SH3BP5: variants seen among roughly 807,000 people sequenced by gnomAD.
The protein encoded by SH3BP5 is SH3 domain-binding protein 5.
A neutral mutation model predicts 43.3 loss-of-function variants in SH3BP5; 22 were observed. The ratio of observed to expected loss-of-function variants is 0.51; its 90% CI spans 0.36 to 0.73. The LOEUF (loss-of-function observed/expected upper bound fraction) is 0.73. SH3BP5 is among the 30% of genes least tolerant of loss of function. The pLI, the probability that SH3BP5 is intolerant of heterozygous loss-of-function variation, is 0.00. For synonymous variants in SH3BP5, 255 were observed against 225.8 expected, an observed-to-expected ratio of 1.13 and a Z score of -1.16; for missense variants, 529 against 586.9, an observed-to-expected ratio of 0.90 and a Z score of 1.02.
chr3:15,257,357 T>C (rs1401411277), intron 7 of SH3BP5: 4 of 459,378 alleles, frequency 8.7e-6, no homozygotes, highest in African/African-American at 7.8e-5. Context: ...CTTATAACCC[T>C]GCCAAGAAAT....
chr3:15,258,848 T>C lies in SH3BP5; in HGVS notation c.872A>G (p.Glu291Gly), dbSNP rs762397345. 1.2e-6 allele frequency: 2 copies of C among 1,613,996 alleles called. No individual in the cohort carries two copies. Among genetic ancestry groups the C allele is most frequent in the Non-Finnish European group, 1.7e-6 (2 of 1,179,990 alleles). The change falls in exon 7 of 9, where the codon GAG (glutamate) becomes GGG (glycine). Residue 291 changes from glutamate to glycine, a missense_variant. By Grantham distance (98) the Glu-to-Gly change is moderately conservative. This residue lies in a region of SH3BP5 where 369 missense variants were observed against 384.3 expected (regional missense o/e 0.96). Transcript: ENST00000383791. ...TGACTTACCAGAAATGGCATCAGGC[T>C]CAGGTTTGCTCCCTGGCAGATCCTC... is the stretch of plus-strand genomic sequence containing the variant. ...SVEDLPGSKP[E>G]PDAISVASEA...
intron 2 of SH3BP5, among the ~76,000 whole-genome samples, chr3:15,315,451 T>G (rs1201110792): frequency 6.6e-6 from 1 of 152,214 alleles, no homozygotes; most frequent in South Asian, 2.1e-4. Context: ...ACTCCAACCC[T>G]TTCCAAGGCA....
At chr3:15,272,132 C>T (rs1457038675) in intron 3 of SH3BP5, among the ~76,000 whole-genome samples, 1 of 152,118 alleles carries the variant, frequency 6.6e-6, no homozygotes, top group African/African-American at 2.4e-5. Context: ...AGGCTGAGGA[C>T]GCTTTGTGAA....
intron 2 of SH3BP5, among the ~76,000 whole-genome samples, chr3:15,308,582 G>C (rs918950972): frequency 6.6e-5 from 10 of 152,160 alleles, no homozygotes; most frequent in African/African-American, 2.4e-4. Flanking sequence ...CAGCACGGAC[G>C]GACGGGCTGG....
intron 3 of SH3BP5, among the ~76,000 whole-genome samples, chr3:15,272,258 C>A (rs559857436): frequency 2.0e-5 from 3 of 152,192 alleles, no homozygotes; most frequent in Non-Finnish European, 4.4e-5. Flanking sequence ...CAGACCCAGA[C>A]CCAGCCCTCC....
At chr3:15,299,184 G>T (rs1387325501) in intron 3 of SH3BP5, among the ~76,000 whole-genome samples, 2 of 152,234 alleles carry the variant, frequency 1.3e-5, no homozygotes, top group African/African-American at 4.8e-5. Flanking sequence ...GCCCTCATCA[G>T]ACTGCTCCCC....
At chr3:15,296,907 G>C (rs1697592760) in intron 3 of SH3BP5, among the ~76,000 whole-genome samples, 1 of 150,630 alleles carries the variant, frequency 6.6e-6, no homozygotes, top group African/African-American at 2.4e-5. Context: ...ATGTTGCCCA[G>C]GGTGGTATTG....
chr3:15,337,091 T>G (rs1001156129), upstream of SH3BP5, among the ~76,000 whole-genome samples: 10 of 141,176 alleles, frequency 7.1e-5, no homozygotes, highest in African/African-American at 2.2e-4. Flanking sequence ...TTAGTTTTTT[T>G]TTTTTTTTTT....
intron 3 of SH3BP5, among the ~76,000 whole-genome samples, chr3:15,272,186 A>C (rs1284831278): frequency 6.6e-6 from 1 of 152,212 alleles, no homozygotes; most frequent in Non-Finnish European, 1.5e-5. Flanking sequence ...GACTCAGAGC[A>C]CGCCAGCCCC....
At chr3:15,324,842 T>C (rs981799341) in intron 2 of SH3BP5, among the ~76,000 whole-genome samples, 5 of 148,850 alleles carry the variant, frequency 3.4e-5, no homozygotes, top group Non-Finnish European at 7.4e-5. Flanking sequence ...GTTTGTACCA[T>C]TGCTCCTTGG....
chr3:15,257,090 C>T lies in SH3BP5; in HGVS notation c.913G>A (p.Asp305Asn). The T allele has an allele frequency of 6.2e-7, 1 of 1,614,114 alleles. No homozygotes were observed. Among genetic ancestry groups the T allele is most frequent in the Non-Finnish European group, 8.5e-7 (1 of 1,179,976 alleles). Residue 305 changes from aspartate (D) to asparagine (N), a missense_variant, in exon 8 of 9, where the codon GAC (aspartate) becomes AAC (asparagine). Coordinates refer to ENST00000383791, the MANE Select transcript of SH3BP5 (RefSeq NM_004844.5). ...ISVASEAFED[D>N]SCSNFVSEDD... Reference sequence around the variant, plus strand: ...TCAGACACAAAGTTGCTACAGCTGTCATCTTCAAAGGCCTCCGAGGCCACT... The same window carrying T: ...TCAGACACAAAGTTGCTACAGCTGTTATCTTCAAAGGCCTCCGAGGCCACT...
intron 3 of SH3BP5, 117 bp downstream of exon 3, chr3:15,303,986 T>A (rs1252658315): frequency 3.7e-6 from 3 of 808,962 alleles, no homozygotes. Flanking sequence ...GTCACTGCAT[T>A]TAAGACATAT....
chr3:15,328,050 T>C (rs1284869345), intron 2 of SH3BP5, among the ~76,000 whole-genome samples: 1 of 152,194 alleles, frequency 6.6e-6, no homozygotes, highest in African/African-American at 2.4e-5. Context: ...GAGTTTTTAA[T>C]TGCTTATGTA....
chr3:15,283,958 T>C (rs896723277), intron 3 of SH3BP5, among the ~76,000 whole-genome samples: 4 of 151,984 alleles, frequency 2.6e-5, no homozygotes, highest in African/African-American at 9.7e-5. Context: ...CCAAAGAAAC[T>C]GGTGAAGGCA....
At chr3:15,273,542 A>G in intron 3 of SH3BP5, 3 of 284,410 alleles carry the variant, frequency 1.1e-5, no homozygotes, top group Non-Finnish European at 1.6e-5. Flanking sequence ...TTGCCTTGCC[A>G]TATCACAGGT....
chr3:15,312,139 T>A (rs1698074768), intron 2 of SH3BP5, among the ~76,000 whole-genome samples: 1 of 152,202 alleles, frequency 6.6e-6, no homozygotes, highest in African/African-American at 2.4e-5. Context: ...TCACTGTCAT[T>A]CTGAGCGTTC....
chr3:15,260,291 C>G, intron 5 of SH3BP5: 1 of 169,132 alleles, frequency 5.9e-6, no homozygotes, highest in South Asian at 1.2e-4. Context: ...CACAGCACAG[C>G]AAGGCCACCA....
intron 2 of SH3BP5, among the ~76,000 whole-genome samples, chr3:15,325,809 T>C (rs1698446903): frequency 6.6e-6 from 1 of 152,128 alleles, no homozygotes; most frequent in African/African-American, 2.4e-5. Flanking sequence ...CGCTCTCAGC[T>C]CCAGAGTTTG....
intron 1 of SH3BP5, chr3:15,330,905 C>A (rs1322080674): frequency 4.8e-6 from 1 of 208,686 alleles, no homozygotes; most frequent in Non-Finnish European, 8.4e-6. Context: ...CTGCCTTGAG[C>A]AAGAACTTTG....
Sources: allele counts gnomAD v4.1 joint callset (sites outside exome capture counted in the v4.1 genomes callset), GRCh38; gene constraint gnomAD v4.1.1; regional missense constraint gnomAD v4.1.1; transcripts MANE v1.5; gene names NCBI Gene and HGNC (gene_info 2026-07-23, HGNC 2026-07-21).